CYSLTR2: variants seen among roughly 807,000 people sequenced by gnomAD.
CYSLTR2 encodes cysteinyl leukotriene receptor 2.
For missense variants in CYSLTR2, 398 were observed against 411.9 expected (o/e 0.97, Z 0.29); for synonymous variants, 179 against 160.8 (o/e 1.11, Z -0.86).
intron 3 of CYSLTR2, among the ~76,000 whole-genome samples, chr13:48,695,371 T>C (rs1369516694): frequency 7.5e-6 from 1 of 133,028 alleles, no homozygotes; most frequent in African/African-American, 3.2e-5. Flanking sequence ...TTCCTTTCTC[T>C]TTATTCTTTC....
chr13:48,706,447 G>A (rs1954490925), intron 4 of CYSLTR2: 1 of 177,960 alleles, frequency 5.6e-6, no homozygotes, highest in African/African-American at 2.4e-5. Flanking sequence ...TGAGAAATGT[G>A]CCATTTCTTT....
intron 1 of CYSLTR2, among the ~76,000 whole-genome samples, chr13:48,676,109 A>G (rs1953589992): frequency 6.6e-6 from 1 of 152,154 alleles, no homozygotes. Flanking sequence ...CTTGCCAGTC[A>G]CCCTATCCTC....
At chr13:48,692,667 T>A (rs1954068222) in intron 2 of CYSLTR2, among the ~76,000 whole-genome samples, 1 of 151,284 alleles carries the variant, frequency 6.6e-6, no homozygotes, top group African/African-American at 2.4e-5. Flanking sequence ...TTTCTCTGTA[T>A]TAAACATTTA....
intron 1 of CYSLTR2, among the ~76,000 whole-genome samples, chr13:48,684,333 G>A (rs12875723): frequency 0.42 from 63,562 of 151,442 alleles, 13,559 homozygotes; most frequent in South Asian, 0.49. Flanking sequence ...ACATGTCAGA[G>A]TAATCAGAGT....
intron 1 of CYSLTR2, among the ~76,000 whole-genome samples, chr13:48,671,350 G>T (rs1593953337): frequency 6.6e-6 from 1 of 152,184 alleles, no homozygotes; most frequent in Non-Finnish European, 1.5e-5. Flanking sequence ...TCCTTGTCTT[G>T]TGTGTATTTT....
chr13:48,700,498 T>C (rs1426653157), intron 4 of CYSLTR2, among the ~76,000 whole-genome samples: 2 of 152,128 alleles, frequency 1.3e-5, no homozygotes, highest in African/African-American at 2.4e-5. Context: ...GTCAATAAAC[T>C]AGGTATTTGG....
Position 48,673,837 on chromosome 13 carries a change from C to G in CYSLTR2, c.-265-17375C>G, listed in dbSNP as rs1485412402. On this transcript the variant is annotated intron_variant, in intron 1 of 4. Coordinates refer to ENST00000682523, the MANE Select transcript of CYSLTR2 (RefSeq NM_001308476.3). ...GCCTGGTGGTGACAAAATCCCTCAC[C>G]ATTTGCTTGTCTGTAAACGATTTTA... 2.8e-4 allele frequency among the ~76,000 whole-genome samples: 43 copies of G among 152,156 alleles called. 1 individual carries two copies. The highest frequency in any genetic ancestry group is 2.8e-3 in the Admixed American group (42 of 15,270).
intron 4 of CYSLTR2, among the ~76,000 whole-genome samples, chr13:48,698,485 A>G (rs1440731508): frequency 6.6e-6 from 1 of 152,218 alleles, no homozygotes; most frequent in Non-Finnish European, 1.5e-5. Flanking sequence ...AGATTTTGTC[A>G]CCACCAAGCC....
At chr13:48,666,100 T>G (rs931465492) in intron 1 of CYSLTR2, among the ~76,000 whole-genome samples, 1 of 152,166 alleles carries the variant, frequency 6.6e-6, no homozygotes, top group African/African-American at 2.4e-5. Context: ...TGGTGATACA[T>G]TCTCTTAATT....
chr13:48,695,809 TG>T (rs1222148722), intron 3 of CYSLTR2, among the ~76,000 whole-genome samples: 1 of 152,256 alleles, frequency 6.6e-6, no homozygotes, highest in Non-Finnish European at 1.5e-5. Context: ...GTTTAACTAT[TG>T]AAGGCTATCT....
At chr13:48,702,579 T>C (rs1176270812) in intron 4 of CYSLTR2, among the ~76,000 whole-genome samples, 1 of 152,198 alleles carries the variant, frequency 6.6e-6, no homozygotes, top group East Asian at 1.9e-4. Context: ...GTTTTTGCAC[T>C]TCTGTAAACA....
chr13:48,703,059 T>C (rs1954391180), intron 4 of CYSLTR2, among the ~76,000 whole-genome samples: 1 of 152,182 alleles, frequency 6.6e-6, no homozygotes, highest in African/African-American at 2.4e-5. Context: ...ATAAATAGTA[T>C]TGCATTTTAA....
chr13:48,695,876 T>G (rs988342993), intron 3 of CYSLTR2, among the ~76,000 whole-genome samples: 1 of 152,248 alleles, frequency 6.6e-6, no homozygotes, highest in African/African-American at 2.4e-5. Flanking sequence ...CACTGACTTA[T>G]AGGTTTTTAT....
intron 1 of CYSLTR2, among the ~76,000 whole-genome samples, chr13:48,656,076 T>TTA (rs1952990210): frequency 6.6e-6 from 1 of 152,026 alleles, no homozygotes. Flanking sequence ...TCAAGAAAGA[T>TTA]AAAAAAACCA....
chr13:48,704,659 T>C (rs1333044418), intron 4 of CYSLTR2, among the ~76,000 whole-genome samples: 1 of 152,164 alleles, frequency 6.6e-6, no homozygotes, highest in Admixed American at 6.5e-5. Context: ...TTTTATTCAG[T>C]TTAATATATT....
intron 4 of CYSLTR2, among the ~76,000 whole-genome samples, chr13:48,699,240 C>T (rs1304189820): frequency 6.6e-6 from 1 of 152,204 alleles, no homozygotes; most frequent in African/African-American, 2.4e-5. Flanking sequence ...CACCACATCA[C>T]ACTTATTCCA....
Position 48,662,059 on chromosome 13 carries a change from C to CT in CYSLTR2, c.-266+8049dup, listed in dbSNP as rs1027126547. On this transcript the variant is annotated intron_variant, in intron 1 of 4. Coordinates refer to ENST00000682523, the MANE Select transcript of CYSLTR2 (RefSeq NM_001308476.3). ...CTACTTTTTACTTCTATGAGATCAACTTTTTTTACTATTCCACATATGAGT... is the reference window on the plus strand; with the variant it reads ...CTACTTTTTACTTCTATGAGATCAACTTTTTTTTACTATTCCACATATGAGT... 3.4e-4 allele frequency among the ~76,000 whole-genome samples: 52 copies of CT among 152,218 alleles called. 1 individual carries two copies. The highest frequency in any genetic ancestry group is 1.1e-3 in the African/African-American group (45 of 41,536).
intron 1 of CYSLTR2, among the ~76,000 whole-genome samples, chr13:48,656,177 C>G (rs750941924): frequency 1.3e-5 from 2 of 151,398 alleles, no homozygotes; most frequent in Non-Finnish European, 2.9e-5. Flanking sequence ...TTTTTTTTAC[C>G]ATGAATGTGT....
At chr13:48,657,946 A>G (rs1324580380) in intron 1 of CYSLTR2, among the ~76,000 whole-genome samples, 1 of 152,134 alleles carries the variant, frequency 6.6e-6, no homozygotes, top group Non-Finnish European at 1.5e-5. Context: ...ATAACATTGT[A>G]TCCCAGATTC....
Sources: allele counts gnomAD v4.1 joint callset (sites outside exome capture counted in the v4.1 genomes callset), GRCh38; gene constraint gnomAD v4.1.1; transcripts MANE v1.5; gene names NCBI Gene and HGNC (gene_info 2026-07-23, HGNC 2026-07-21).